The following PPFIA2 variants were observed in gnomAD, a reference collection of about 807,000 sequenced individuals.
PPFIA2 encodes PPFI scaffold protein A2, also known as liprin-alpha-2.
A neutral mutation model predicts 175.5 loss-of-function variants in PPFIA2; 46 were observed. That is an observed-to-expected ratio of 0.26 (90% CI 0.21 to 0.34). The LOEUF (loss-of-function observed/expected upper bound fraction) is 0.34, where lower values mean the gene tolerates loss of function less well. PPFIA2 is among the 10% of genes least tolerant of loss of function. The pLI, the probability that PPFIA2 is intolerant of heterozygous loss-of-function variation, is 1.00. For missense variants in PPFIA2, 1,179 were observed against 1,506.1 expected, an observed-to-expected ratio of 0.78 and a Z score of 3.60; for synonymous variants, 568 against 511.4, an observed-to-expected ratio of 1.11 and a Z score of -1.49.
intron 3 of PPFIA2, among the ~76,000 whole-genome samples, chr12:81,704,408 ATTT>A (rs1227516292): frequency 1.3e-5 from 2 of 152,170 alleles, no homozygotes; most frequent in Admixed American, 6.5e-5. Flanking sequence ...AGGTTATAAT[ATTT>A]TAGAGGAGCT....
intron 18 of PPFIA2, among the ~76,000 whole-genome samples, chr12:81,347,015 A>C (rs1349820165): frequency 6.6e-6 from 1 of 152,098 alleles, no homozygotes; most frequent in East Asian, 1.9e-4. Context: ...CTGCAGTCTC[A>C]AATTCCTAGG....
At position 81,583,774 on chromosome 12, in the gene PPFIA2, T is replaced by C. The variant is rs1567443492; in HGVS notation, c.303+93017A>G. On this transcript the variant is annotated intron_variant, in intron 4 of 32. Coordinates refer to ENST00000549396, the MANE Select transcript of PPFIA2 (RefSeq NM_003625.5). ...GAGGCCTAGGGTCCACAGTATGTTT[T>C]AGAACTTCAAGAAGGTAAAGAAAAC... 3.9e-5 allele frequency among the ~76,000 whole-genome samples: 6 copies of C among 151,986 alleles called. No homozygotes were observed. In the East Asian group the frequency reaches 5.8e-4, roughly 15 times the overall value.
At chr12:81,596,696 T>C (rs2059285022) in intron 4 of PPFIA2, among the ~76,000 whole-genome samples, 3 of 152,056 alleles carry the variant, frequency 2.0e-5, no homozygotes. Flanking sequence ...TGCAGGATAT[T>C]GTAAGAGGTG....
At chr12:81,604,423 TG>T (rs1224276222) in intron 4 of PPFIA2, among the ~76,000 whole-genome samples, 1 of 151,198 alleles carries the variant, frequency 6.6e-6, no homozygotes, top group Non-Finnish European at 1.5e-5. Context: ...CATTCCTGTT[TG>T]GAAAAAAAAA....
chr12:81,643,591 A>G (rs2065657699), intron 4 of PPFIA2, among the ~76,000 whole-genome samples: 1 of 152,014 alleles, frequency 6.6e-6, no homozygotes, highest in Non-Finnish European at 1.5e-5. Context: ...GGATCTTGGG[A>G]AAAAATAACG....
At chr12:81,412,893 G>C (rs1423289609) in intron 7 of PPFIA2, among the ~76,000 whole-genome samples, 1 of 151,792 alleles carries the variant, frequency 6.6e-6, no homozygotes, top group African/African-American at 2.4e-5. Context: ...GCGTGCTCTA[G>C]CTTACTGAAA....
intron 18 of PPFIA2, among the ~76,000 whole-genome samples, chr12:81,345,888 C>T (rs1275163006): frequency 1.3e-5 from 2 of 152,124 alleles, no homozygotes; most frequent in Non-Finnish European, 2.9e-5. Context: ...TATCTCAGCA[C>T]ATTGGCTAAA....
In PPFIA2 at chr12:81,281,403, C is replaced by A; in HGVS notation, c.3066G>T (p.Glu1022Asp). ...QTLAYGDMNHEWIGNEWLPSL... is the reference protein window; with the variant it reads ...QTLAYGDMNHDWIGNEWLPSL... Reference sequence around the variant, plus strand: ...TGGGAAGCCATTCATTTCCAATCCACTCATGATTCATATCTCCATAAGCCA... The same window carrying A: ...TGGGAAGCCATTCATTTCCAATCCAATCATGATTCATATCTCCATAAGCCA... The change falls in exon 27 of 33, where the codon GAG becomes GAT. Residue 1022 changes from glutamate (E) to aspartate (D), a missense_variant. By Grantham distance (45) the Glu-to-Asp change is conservative. Transcript: ENST00000549396. The A allele has an allele frequency of 6.2e-7, 1 of 1,611,778 alleles. No individual in the cohort carries two copies. Among genetic ancestry groups the A allele is most frequent in the Non-Finnish European group, 8.5e-7 (1 of 1,178,280 alleles).
rs1033081809 is a variant in PPFIA2 at position 81,347,845 on chromosome 12, G to A, written c.1995-75C>T. 7.2e-5 allele frequency: 110 copies of A among 1,533,414 alleles called. 1 individual carries two copies. The Admixed American group carries it at 2.5e-3, about 35-fold the overall frequency. The allele number at this position is 1,533,414 out of a possible 1,614,324, so 95.0% of individuals were successfully genotyped here. A position where few individuals can be genotyped will look rare whatever the true frequency, so the allele number is the denominator to read the frequency against. On this transcript the variant is annotated intron_variant, in intron 17 of 32. Coordinates refer to ENST00000549396, the MANE Select transcript of PPFIA2 (RefSeq NM_003625.5). ...ATTATATGCTGCTGTAAGGATCATT[G>A]GAATTCACATAATAAATCAGTAGAA...
At chr12:81,753,090 A>G (rs2084081490) in intron 3 of PPFIA2, among the ~76,000 whole-genome samples, 1 of 152,022 alleles carries the variant, frequency 6.6e-6, no homozygotes, top group Admixed American at 6.6e-5. Flanking sequence ...GCATGGCACC[A>G]CACCCAGCTA....
intron 3 of PPFIA2, among the ~76,000 whole-genome samples, chr12:81,694,341 C>A (rs1330571605): frequency 6.6e-6 from 1 of 152,112 alleles, no homozygotes; most frequent in Non-Finnish European, 1.5e-5. Flanking sequence ...TGGGCCAGAC[C>A]TGGGGCCACC....
intron 22 of PPFIA2, among the ~76,000 whole-genome samples, chr12:81,315,699 G>A (rs1310080452): frequency 6.6e-6 from 1 of 151,594 alleles, no homozygotes; most frequent in Admixed American, 6.6e-5. Flanking sequence ...AAATCAAAAG[G>A]TTAGTTTTTG....
chr12:81,679,516 G>A (rs981775561), intron 3 of PPFIA2, among the ~76,000 whole-genome samples: 1 of 151,784 alleles, frequency 6.6e-6, no homozygotes, highest in Non-Finnish European at 1.5e-5. Context: ...AAAATTTTAA[G>A]CTCTTTGTGA....
At chr12:81,669,911 T>C (rs1354182923) in intron 4 of PPFIA2, among the ~76,000 whole-genome samples, 1 of 152,012 alleles carries the variant, frequency 6.6e-6, no homozygotes, top group Non-Finnish European at 1.5e-5. Flanking sequence ...GCAATTTACA[T>C]TTCATAAAAC....
chr12:81,552,713 C>T (rs2068139607), intron 4 of PPFIA2, among the ~76,000 whole-genome samples: 1 of 151,922 alleles, frequency 6.6e-6, no homozygotes, highest in Non-Finnish European at 1.5e-5. Flanking sequence ...TCAATTAATA[C>T]TCTAAATTCA....
intron 8 of PPFIA2, among the ~76,000 whole-genome samples, chr12:81,394,138 G>A (rs2040648456): frequency 6.6e-6 from 1 of 151,914 alleles, no homozygotes; most frequent in Non-Finnish European, 1.5e-5. Flanking sequence ...TTCATGAATT[G>A]TAAACAAACA....
intron 4 of PPFIA2, among the ~76,000 whole-genome samples, chr12:81,673,280 G>A (rs1567812262): frequency 6.6e-6 from 1 of 152,018 alleles, no homozygotes; most frequent in Non-Finnish European, 1.5e-5. Context: ...ACATAACAGA[G>A]TTCATGCATT....
At chr12:81,712,387 A>G (rs2078055396) in intron 3 of PPFIA2, among the ~76,000 whole-genome samples, 1 of 151,432 alleles carries the variant, frequency 6.6e-6, no homozygotes, top group Non-Finnish European at 1.5e-5. Flanking sequence ...CTCACAAAGA[A>G]TATTTTTTCT....
intron 7 of PPFIA2, among the ~76,000 whole-genome samples, chr12:81,420,290 C>T (rs945890977): frequency 4.6e-5 from 7 of 151,904 alleles, no homozygotes; most frequent in Non-Finnish European, 8.8e-5. Flanking sequence ...CAAGAAAATG[C>T]CACAAAAGGA....
Sources: allele counts gnomAD v4.1 joint callset (sites outside exome capture counted in the v4.1 genomes callset), GRCh38; gene constraint gnomAD v4.1.1; transcripts MANE v1.5; gene names NCBI Gene and HGNC (gene_info 2026-07-23, HGNC 2026-07-21).